NDFIP2: variants seen among roughly 807,000 people sequenced by gnomAD.
NDFIP2 encodes the protein NEDD4 family-interacting protein 2.
In NDFIP2, 19 loss-of-function variants were observed where a neutral mutation model predicts 36.0. The ratio of observed to expected loss-of-function variants is 0.53; its 90% CI spans 0.37 to 0.77. The LOEUF (loss-of-function observed/expected upper bound fraction) is 0.77, where lower values mean the gene tolerates loss of function less well. Ranked by LOEUF, NDFIP2 falls within the 30% of genes least tolerant of loss-of-function variation. The pLI is 0.00. For missense variants in NDFIP2, 446 were observed against 435.8 expected, an observed-to-expected ratio of 1.02 and a Z score of -0.21; for synonymous variants, 181 against 167.7, an observed-to-expected ratio of 1.08 and a Z score of -0.61.
At chr13:79,484,677 G>T (rs2079832488) in intron 1 of NDFIP2, among the ~76,000 whole-genome samples, 1 of 152,166 alleles carries the variant, frequency 6.6e-6, no homozygotes, top group Admixed American at 6.5e-5. Flanking sequence ...ACAAAGATCT[G>T]AGTACTTTGC....
In NDFIP2 at chr13:79,520,922, A is replaced by G. The variant is rs749662530; in HGVS notation, c.434A>G (p.Asp145Gly). 1 of 1,612,822 alleles carries G rather than the reference A, an allele frequency of 6.2e-7. No homozygotes were observed. Among genetic ancestry groups the G allele is most frequent in the South Asian group, 1.1e-5 (1 of 90,988 alleles). ...TCTTCAGCACCAGCACTTGAAACTG[A>G]CTCTTCCCCTCCACCATATAGTAGT... Reference protein sequence around the residue: ...AASSAPALETDSSPPPYSSIT... With the variant: ...AASSAPALETGSSPPPYSSIT... Residue 145 changes from aspartate (D) to glycine (G), a missense_variant, in exon 2 of 8, where the codon GAC becomes GGC. Physicochemically the swap from Asp to Gly is moderately conservative, Grantham distance 94. This residue lies in a region of NDFIP2 where 369 missense variants were observed against 304.8 expected (regional missense o/e 1.21). Coordinates refer to ENST00000218652, the MANE Select transcript of NDFIP2 (RefSeq NM_019080.3).
At chr13:79,530,772 T>A (rs953762530) in intron 2 of NDFIP2, among the ~76,000 whole-genome samples, 1 of 152,184 alleles carries the variant, frequency 6.6e-6, no homozygotes, top group Non-Finnish European at 1.5e-5. Context: ...AGGCCTCACT[T>A]CTGATTCTAC....
chr13:79,544,804 CTTCA>C (rs977893498), intron 5 of NDFIP2, among the ~76,000 whole-genome samples: 41 of 151,904 alleles, frequency 2.7e-4, no homozygotes, highest in African/African-American at 9.7e-4. Context: ...TAATGCATTT[CTTCA>C]TTATTTTAAA....
chr13:79,506,311 T>G (rs1873866522), intron 1 of NDFIP2, among the ~76,000 whole-genome samples: 1 of 152,168 alleles, frequency 6.6e-6, no homozygotes, highest in Non-Finnish European at 1.5e-5. Context: ...TATATGATTC[T>G]CACAGACACA....
chr13:79,517,586 AG>A (rs1874401779), intron 1 of NDFIP2, among the ~76,000 whole-genome samples: 1 of 152,244 alleles, frequency 6.6e-6, no homozygotes, highest in Non-Finnish European at 1.5e-5. Flanking sequence ...ATGCTACAGT[AG>A]GCAGAGGTTG....
At chr13:79,529,365 CT>C (rs1464967979) in intron 2 of NDFIP2, among the ~76,000 whole-genome samples, 4 of 151,898 alleles carry the variant, frequency 2.6e-5, no homozygotes, top group Non-Finnish European at 5.9e-5. Flanking sequence ...GTATTAAAAC[CT>C]TTCAGAAATT....
intron 3 of NDFIP2, among the ~76,000 whole-genome samples, chr13:79,535,294 A>G (rs1393717650): frequency 6.6e-6 from 1 of 152,152 alleles, no homozygotes; most frequent in East Asian, 1.9e-4. Context: ...TACTGCCCTA[A>G]CTTCCATACA....
intron 1 of NDFIP2, among the ~76,000 whole-genome samples, chr13:79,495,594 C>G (rs1174287486): frequency 6.6e-6 from 1 of 151,882 alleles, no homozygotes. Flanking sequence ...TGTTTACTTT[C>G]AACCTATCTA....
intron 1 of NDFIP2, among the ~76,000 whole-genome samples, chr13:79,498,927 C>G (rs1461398165): frequency 6.6e-6 from 1 of 151,892 alleles, no homozygotes; most frequent in Non-Finnish European, 1.5e-5. Context: ...CAGCATTACC[C>G]TAATATCAAA....
Position 79,533,447 on chromosome 13 carries a change from A to G in NDFIP2, c.612A>G (p.Thr204=). The G allele has an allele frequency of 2.5e-6, 4 of 1,595,828 alleles. No individual in the cohort carries two copies. Among genetic ancestry groups the G allele is most frequent in the Non-Finnish European group, 1.7e-6 (2 of 1,174,550 alleles). The change falls in exon 3 of 8, where the codon ACA becomes ACG. Residue 204 remains threonine (T), a synonymous_variant. Coordinates refer to ENST00000218652, the MANE Select transcript of NDFIP2 (RefSeq NM_019080.3). ...AAAMAAAAAE[T]SQRIQEEECP... Reference sequence around the variant, plus strand: ...CAATGGCAGCTGCAGCAGCAGAAACATCTCAAAGAGTAAGAAAATTTCATC... The same window carrying G: ...CAATGGCAGCTGCAGCAGCAGAAACGTCTCAAAGAGTAAGAAAATTTCATC...
intron 1 of NDFIP2, among the ~76,000 whole-genome samples, chr13:79,507,984 G>A (rs1396850502): frequency 1.3e-5 from 2 of 151,882 alleles, no homozygotes; most frequent in Non-Finnish European, 2.9e-5. Flanking sequence ...TTATTATAAT[G>A]TATATTTTAG....
chr13:79,514,550 A>G (rs755572696), intron 1 of NDFIP2, among the ~76,000 whole-genome samples: 3 of 152,330 alleles, frequency 2.0e-5, no homozygotes, highest in South Asian at 2.1e-4. Context: ...TCTAATCTAC[A>G]TTTGGGAGAC....
intron 1 of NDFIP2, among the ~76,000 whole-genome samples, chr13:79,507,304 C>T (rs1249548850): frequency 2.0e-4 from 3 of 15,104 alleles, no homozygotes; most frequent in Non-Finnish European, 2.6e-4. Context: ...GACGGAGTCT[C>T]GCTCTGTCGC....
At chr13:79,490,025 C>T (rs1044040404) in intron 1 of NDFIP2, among the ~76,000 whole-genome samples, 1 of 152,188 alleles carries the variant, frequency 6.6e-6, no homozygotes, top group Non-Finnish European at 1.5e-5. Context: ...AATATGTAGT[C>T]TCCATGTCAG....
chr13:79,505,637 A>G (rs1466916582), intron 1 of NDFIP2, among the ~76,000 whole-genome samples: 1 of 151,950 alleles, frequency 6.6e-6, no homozygotes, highest in Non-Finnish European at 1.5e-5. Context: ...TTAAAAAAAA[A>G]AAAAACCCAA....
At position 79,481,314 on chromosome 13, in the gene NDFIP2, G is replaced by A. The variant is rs2079810383; in HGVS notation, c.111G>A (p.Ser37=). The part of the protein sequence containing the change: ...LRGTATNAEV[S]AAAAGATGSE... ...GAACCGCGACCAACGCGGAGGTCTC[G>A]GCGGCCGCTGCGGGAGCCACAGGAA... Residue 37 remains serine (S), a synonymous_variant, in exon 1 of 8, where the codon TCG becomes TCA. Transcript: ENST00000218652. 9.7e-6 allele frequency: 15 copies of A among 1,542,686 alleles called. No individual in the cohort carries two copies. The highest frequency in any genetic ancestry group is 1.2e-5 in the Non-Finnish European group (14 of 1,146,602).
chr13:79,531,935 G>C (rs1046784111), intron 2 of NDFIP2, among the ~76,000 whole-genome samples: 9 of 152,166 alleles, frequency 5.9e-5, no homozygotes, highest in African/African-American at 2.2e-4. Context: ...TCTGGCTTTC[G>C]GTGTATCTTG....
chr13:79,549,708 A>G (rs1875827508), intron 6 of NDFIP2, among the ~76,000 whole-genome samples: 1 of 152,056 alleles, frequency 6.6e-6, no homozygotes, highest in East Asian at 1.9e-4. Flanking sequence ...AGAAAACAGC[A>G]GCTTTAGAGA....
In NDFIP2 at chr13:79,518,442, G is replaced by C. The variant is rs1874435064; in HGVS notation, c.322-2368G>C. ...ACTATCTCACAAAAATGTTTTGCTAGTGTGATCATTTACCAAGACATGGAA... is the reference window on the plus strand; with the variant it reads ...ACTATCTCACAAAAATGTTTTGCTACTGTGATCATTTACCAAGACATGGAA... On this transcript the variant is annotated intron_variant, in intron 1 of 7. Transcript: ENST00000218652. Among the ~76,000 whole-genome samples the C allele has an allele frequency of 3.3e-5, 5 of 152,166 alleles. No individual in the cohort carries two copies. In the South Asian group the frequency reaches 6.2e-4, roughly 19 times the overall value.
Sources: gnomAD v4.1 joint callset for allele counts (sites outside exome capture counted in the v4.1 genomes callset) on GRCh38, gnomAD v4.1.1 for gene constraint, gnomAD v4.1.1 regional missense constraint, MANE v1.5 for transcripts, NCBI Gene and HGNC (gene_info 2026-07-23, HGNC 2026-07-21) for gene names.